The following NIN variants were observed in gnomAD, a reference collection of about 807,000 sequenced individuals.
NIN encodes glycogen synthase kinase 3 beta-interacting protein.
In NIN, 137 loss-of-function variants were observed where a neutral mutation model predicts 257.6. That is an observed-to-expected ratio of 0.53 (90% confidence interval 0.46 to 0.61). The LOEUF is 0.61. Among genes scored for constraint, NIN ranks in the 20% least tolerant of loss-of-function variants. The pLI, the probability that NIN is intolerant of heterozygous loss-of-function variation, is 0.00. For missense variants in NIN, 2,439 were observed against 2,501.2 expected, an observed-to-expected ratio of 0.98 and a Z score of 0.53; for synonymous variants, 918 against 919.8, an observed-to-expected ratio of 1.00 and a Z score of 0.04.
Position 50,756,576 on chromosome 14 carries a change from C to T in NIN, c.4454G>A (p.Gly1485Glu). 6.2e-7 allele frequency: 1 copy of T among 1,611,314 alleles called. No homozygotes were observed. Among genetic ancestry groups the T allele is most frequent in the Non-Finnish European group, 8.5e-7 (1 of 1,178,542 alleles). ...TGCCTTCAGCTCTTCCTCCTTTTCT[C>T]CGTGAGAAAGTACATCTTTTTGCTT... The part of the protein sequence containing the change: ...LVKQKDVLSH[G>E]EKEEELKAMM... The change falls in exon 18 of 31, where the codon GGA becomes GAA. Residue 1485 changes from glycine (G) to glutamate (E), a missense_variant. Coordinates refer to ENST00000530997, the MANE Select transcript of NIN (RefSeq NM_020921.4).
intron 3 of NIN, among the ~76,000 whole-genome samples, chr14:50,818,927 C>T (rs187794128): frequency 6.0e-5 from 9 of 150,876 alleles, no homozygotes; most frequent in Non-Finnish European, 1.3e-4. Context: ...ATTGAAGATG[C>T]GTTGTAATAT....
At chr14:50,830,278 C>A (rs2045643072) in intron 2 of NIN, among the ~76,000 whole-genome samples, 186 bp downstream of exon 2, 1 of 152,238 alleles carries the variant, frequency 6.6e-6, no homozygotes, top group African/African-American at 2.4e-5. Context: ...ACTGGAAGTG[C>A]CCAAACCCAG....
chr14:50,771,074 A>G, intron 10 of NIN, 82 bp from the exon 11 acceptor site: 1 of 1,496,484 alleles, frequency 6.7e-7, no homozygotes, highest in South Asian at 1.3e-5. Context: ...TCTGGCTTGC[A>G]TCAATACAGA....
At chr14:50,817,858 G>A (rs973583053) in intron 3 of NIN, among the ~76,000 whole-genome samples, 4 of 151,988 alleles carry the variant, frequency 2.6e-5, no homozygotes, top group Non-Finnish European at 5.9e-5. Context: ...TAGGATTACC[G>A]GCGCCCACTG....
At chr14:50,813,732 G>C (rs2044749105) in intron 3 of NIN, among the ~76,000 whole-genome samples, 2 of 152,186 alleles carry the variant, frequency 1.3e-5, no homozygotes. Context: ...CATGTGTGCA[G>C]GCACTACTGG....
intron 3 of NIN, among the ~76,000 whole-genome samples, chr14:50,817,217 A>T (rs1039423504): frequency 2.5e-4 from 38 of 152,182 alleles, no homozygotes; most frequent in Admixed American, 2.6e-4. Flanking sequence ...TATTATGACA[A>T]CCCCATCAGC....
chr14:50,726,636 A>G (rs1459216985), intron 29 of NIN, among the ~76,000 whole-genome samples: 1 of 152,236 alleles, frequency 6.6e-6, no homozygotes, highest in Non-Finnish European at 1.5e-5. Flanking sequence ...TGTGAAGCAC[A>G]CATCTGGATT....
chr14:50,735,449 C>T, intron 28 of NIN, 67 bp downstream of exon 28: 1 of 1,560,522 alleles, frequency 6.4e-7, no homozygotes, highest in Non-Finnish European at 8.6e-7. Context: ...CTAGTCTCTC[C>T]CAACAAATAC....
intron 2 of NIN, among the ~76,000 whole-genome samples, chr14:50,827,186 A>T (rs1489887721): frequency 2.0e-5 from 3 of 152,254 alleles, no homozygotes; most frequent in Non-Finnish European, 4.4e-5. Flanking sequence ...GTATAAAAGG[A>T]AAGAGTGACA....
rs539857715 is a variant in NIN, at chr14:50,759,534, C to T, written c.2399+323G>A. Reference sequence around the variant, plus strand: ...TTTGAGACGGAGTCTCGCTCTGTCGCCCAGGCTGGAGTGCAGTAGCGCGAT... The same window carrying T: ...TTTGAGACGGAGTCTCGCTCTGTCGTCCAGGCTGGAGTGCAGTAGCGCGAT... On this transcript the variant is annotated intron_variant, in intron 17 of 30. Coordinates refer to ENST00000530997, the MANE Select transcript of NIN (RefSeq NM_020921.4). Among the ~76,000 whole-genome samples the T allele has an allele frequency of 2.3e-4, 35 of 151,900 alleles. 1 individual carries two copies. The South Asian group carries it at 5.8e-3, about 25-fold the overall frequency.
chr14:50,740,474 G>C (rs970518577), intron 25 of NIN, among the ~76,000 whole-genome samples: 2 of 151,966 alleles, frequency 1.3e-5, no homozygotes, highest in African/African-American at 4.8e-5. Context: ...TTAGCCTCCC[G>C]AGTAGCTGGG....
At chr14:50,823,957 C>T (rs2045349266) in intron 2 of NIN, among the ~76,000 whole-genome samples, 2 of 152,180 alleles carry the variant, frequency 1.3e-5, no homozygotes, top group East Asian at 1.9e-4. Context: ...TAACAAGATT[C>T]ACTTAGAGTC....
intron 2 of NIN, among the ~76,000 whole-genome samples, chr14:50,826,000 G>C (rs923888593): frequency 2.5e-4 from 38 of 152,166 alleles, no homozygotes; most frequent in African/African-American, 8.9e-4. Context: ...ATATAAAAAT[G>C]ATCATGAAGT....
intron 27 of NIN, among the ~76,000 whole-genome samples, chr14:50,735,893 G>A (rs1160327420): frequency 3.3e-5 from 5 of 152,036 alleles, no homozygotes; most frequent in East Asian, 1.9e-4. Flanking sequence ...ATCTTACAAC[G>A]CAGTACACAC....
At chr14:50,730,343 G>A (rs1172728660) in intron 28 of NIN, among the ~76,000 whole-genome samples, 2 of 152,166 alleles carry the variant, frequency 1.3e-5, no homozygotes, top group African/African-American at 4.8e-5. Flanking sequence ...AAGTATTCAA[G>A]ACAATGAGGA....
At chr14:50,744,663 G>A (rs1042409389) in intron 22 of NIN, among the ~76,000 whole-genome samples, 2 of 152,154 alleles carry the variant, frequency 1.3e-5, no homozygotes, top group Non-Finnish European at 2.9e-5. Flanking sequence ...ATTGGGCTGT[G>A]GGGGTGGCTC....
intron 8 of NIN, among the ~76,000 whole-genome samples, 159 bp from the exon 9 acceptor site, chr14:50,772,627 G>C (rs1055642045): frequency 9.2e-5 from 14 of 152,214 alleles, no homozygotes; most frequent in Admixed American, 7.2e-4. Context: ...TCCCAACTGA[G>C]TCAAGCCTAC....
chr14:50,757,276 A>G lies in NIN; in HGVS notation c.3754T>C (p.Tyr1252His), dbSNP rs112804116. The G allele has an allele frequency of 6.2e-7, 1 of 1,614,176 alleles. No homozygotes were observed. Among genetic ancestry groups the G allele is most frequent in the Admixed American group, 1.7e-5 (1 of 60,020 alleles). The change falls in exon 18 of 31, where the codon TAT (tyrosine) becomes CAT (histidine). Residue 1252 changes from tyrosine (Y) to histidine (H), a missense_variant. This residue lies in a region of NIN where 2,043 missense variants were observed against 2,050.2 expected (regional missense o/e 1.00). Coordinates refer to ENST00000530997, the MANE Select transcript of NIN (RefSeq NM_020921.4). ...TCATTTTCTCGGCTCACATCTTCAT[A>G]CAACAGCTTATATTTGGGAGAAGCC... Reference protein sequence around the residue: ...PEASPKYKLLYEDVSRENDCL... With the variant: ...PEASPKYKLLHEDVSRENDCL...
chr14:50,802,066 A>G (rs528864924), intron 4 of NIN, among the ~76,000 whole-genome samples: 70 of 152,354 alleles, frequency 4.6e-4, no homozygotes, highest in Middle Eastern at 3.4e-3. Flanking sequence ...CAAAAATCCT[A>G]TAATCCAAAG....
Sources: allele counts gnomAD v4.1 joint callset (sites outside exome capture counted in the v4.1 genomes callset), GRCh38; gene constraint gnomAD v4.1.1; regional missense constraint gnomAD v4.1.1; transcripts MANE v1.5; gene names NCBI Gene and HGNC (gene_info 2026-07-23, HGNC 2026-07-21).